The following FSTL4 variants were observed in gnomAD, a reference collection of about 807,000 sequenced individuals.
FSTL4 encodes follistatin like 4.
A neutral mutation model predicts 78.2 loss-of-function variants in FSTL4; 28 were observed. That is an observed-to-expected ratio of 0.36 (90% CI 0.27 to 0.49). The LOEUF is 0.49. Among genes scored for constraint, FSTL4 ranks in the 20% least tolerant of loss-of-function variants. FSTL4 has a pLI of 0.98. For missense variants in FSTL4, 922 were observed against 1,084.9 expected (o/e 0.85, Z 2.11); for synonymous variants, 422 against 440.5 (o/e 0.96, Z 0.53).
chr5:133,201,959 T>C lies in FSTL4; in HGVS notation c.1800A>G (p.Pro600=). ...FAGVDDFFIP[P]TNLIINHIRF... is the part of the protein sequence containing the mutation. ...TGATGTGGTTGATGATGAGGTTTGTTGGGGGAATGAAGAAATCATCCACTC... is the reference window on the plus strand; with the variant it reads ...TGATGTGGTTGATGATGAGGTTTGTCGGGGGAATGAAGAAATCATCCACTC... Residue 600 remains proline (P), a synonymous_variant, in exon 15 of 16, where the codon CCA becomes CCG. Coordinates refer to ENST00000265342, the MANE Select transcript of FSTL4 (RefSeq NM_015082.2). The C allele has an allele frequency of 6.2e-7, 1 of 1,608,960 alleles. No homozygotes were observed. Among genetic ancestry groups the C allele is most frequent in the South Asian group, 1.1e-5 (1 of 90,288 alleles).
intron 7 of FSTL4, among the ~76,000 whole-genome samples, chr5:133,249,026 T>C (rs1051305829): frequency 4.6e-5 from 7 of 152,306 alleles, no homozygotes; most frequent in African/African-American, 1.4e-4. Flanking sequence ...CCCAGCCCAC[T>C]GTTCTCTCAG....
chr5:133,206,229 T>G (rs1750500961), intron 14 of FSTL4, among the ~76,000 whole-genome samples: 1 of 152,102 alleles, frequency 6.6e-6, no homozygotes, highest in South Asian at 2.1e-4. Flanking sequence ...CTTTAAAAAA[T>G]CCATGGTAAT....
chr5:133,801,597 G>A, the FSTL4 span, among the ~76,000 whole-genome samples: 8,013 of 152,342 alleles, frequency 0.053, 310 homozygotes, highest in Admixed American at 0.12. Context: ...CAGTTAGGGA[G>A]GCCATCCTGC....
Position 133,281,025 on chromosome 5 carries a change from C to T in FSTL4, c.728-31449G>A, listed in dbSNP as rs552200554. Among the ~76,000 whole-genome samples, 3 of 152,316 alleles carry T rather than the reference C, an allele frequency of 2.0e-5. No individual in the cohort carries two copies. In the South Asian group the frequency reaches 6.2e-4, roughly 32 times the overall value. On this transcript the variant is annotated intron_variant, in intron 6 of 15. Transcript: ENST00000265342. ...TCTGGCTTTGCTTACCATTAAATGC[C>T]AGCAGCCTGCCCAGTGCCCCACACA...
At chr5:133,323,576 T>G (rs1266277533) in intron 4 of FSTL4, among the ~76,000 whole-genome samples, 3 of 152,226 alleles carry the variant, frequency 2.0e-5, no homozygotes, top group Admixed American at 6.5e-5. Flanking sequence ...AGAGGCTGCA[T>G]GTCCTGGTAA....
chr5:133,443,480 A>C (rs191959337), intron 3 of FSTL4, among the ~76,000 whole-genome samples: 1 of 152,358 alleles, frequency 6.6e-6, no homozygotes, highest in East Asian at 1.9e-4. Context: ...AACCAGGGCA[A>C]ATGGTTAACC....
chr5:133,462,243 G>A (rs1453997399), intron 3 of FSTL4, among the ~76,000 whole-genome samples: 2 of 152,206 alleles, frequency 1.3e-5, no homozygotes, highest in African/African-American at 4.8e-5. Flanking sequence ...ACAGAAAGCT[G>A]GCCAGGTGCT....
the FSTL4 span, among the ~76,000 whole-genome samples, chr5:133,777,217 G>GTA: frequency 0.29 from 19,089 of 65,094 alleles, 1,562 homozygotes; most frequent in Middle Eastern, 0.45. Flanking sequence ...TTAAAGATAT[G>GTA]TATATATATA....
the FSTL4 span, among the ~76,000 whole-genome samples, chr5:133,837,900 T>C: frequency 6.6e-6 from 1 of 151,912 alleles, no homozygotes; most frequent in Non-Finnish European, 1.5e-5. Context: ...TATATATATA[T>C]ATTTTAGGAC....
At chr5:133,728,849 A>G in the FSTL4 span, among the ~76,000 whole-genome samples, 5,671 of 152,178 alleles carry the variant, frequency 0.037, 141 homozygotes, top group Non-Finnish European at 0.055. Flanking sequence ...AAAAGAAAAG[A>G]GAAAAAGAAA....
intron 6 of FSTL4, among the ~76,000 whole-genome samples, chr5:133,295,533 G>C (rs894301076): frequency 2.9e-4 from 44 of 152,178 alleles, no homozygotes; most frequent in Admixed American, 6.5e-5. Flanking sequence ...CTCCTCAGAA[G>C]ATTTATCTTC....
At chr5:133,553,289 T>C (rs895924062) in intron 3 of FSTL4, among the ~76,000 whole-genome samples, 4 of 152,186 alleles carry the variant, frequency 2.6e-5, no homozygotes, top group Admixed American at 6.5e-5. Flanking sequence ...TCCATTTCCC[T>C]CTGTCCTCCA....
chr5:133,723,232 A>G, the FSTL4 span, among the ~76,000 whole-genome samples: 23 of 152,284 alleles, frequency 1.5e-4, no homozygotes, highest in East Asian at 3.9e-3. Context: ...TATAGCCCAG[A>G]TACTTGGGCC....
chr5:133,595,793 T>C (rs1760725494), intron 2 of FSTL4, among the ~76,000 whole-genome samples: 1 of 152,204 alleles, frequency 6.6e-6, no homozygotes. Context: ...GGTATTGTTA[T>C]ATTGCCTGTA....
the FSTL4 span, among the ~76,000 whole-genome samples, chr5:133,744,937 A>G: frequency 2.0e-5 from 3 of 152,180 alleles, no homozygotes; most frequent in African/African-American, 7.2e-5. Context: ...CACCATAGAA[A>G]ACTACCTGGT....
chr5:133,484,343 A>C (rs188840275), intron 3 of FSTL4, among the ~76,000 whole-genome samples: 27 of 152,326 alleles, frequency 1.8e-4, no homozygotes, highest in Admixed American at 1.6e-3. Flanking sequence ...CTACTTATAA[A>C]AATAAAACTT....
intron 4 of FSTL4, among the ~76,000 whole-genome samples, chr5:133,391,485 C>T (rs2126961594): frequency 6.6e-6 from 1 of 152,330 alleles, no homozygotes; most frequent in African/African-American, 2.4e-5. Context: ...ACTCCCTCCC[C>T]TCATCAAGGC....
intron 2 of FSTL4, among the ~76,000 whole-genome samples, chr5:133,593,733 T>TGG (rs1349311862): frequency 6.6e-6 from 1 of 152,238 alleles, no homozygotes; most frequent in Non-Finnish European, 1.5e-5. Context: ...AAAGATGTAC[T>TGG]TCCTTCTTTA....
At chr5:133,349,295 C>CTCTGTGTGTGTGTGTGTGTGTG (rs11269337) in intron 4 of FSTL4, among the ~76,000 whole-genome samples, 18 of 139,772 alleles carry the variant, frequency 1.3e-4, no homozygotes, top group East Asian at 4.5e-4. Flanking sequence ...GCCTCTCTCT[C>CTCTGTGTGTGTGTGTGTGTGTG]TGTGTGTGTG....
Sources: gnomAD v4.1 joint callset for allele counts (sites outside exome capture counted in the v4.1 genomes callset) on GRCh38, gnomAD v4.1.1 for gene constraint, MANE v1.5 for transcripts, NCBI Gene and HGNC (gene_info 2026-07-23, HGNC 2026-07-21) for gene names.